Variants in FAM200B observed in about 807,000 individuals in gnomAD.
FAM200B encodes the protein protein FAM200B.
A neutral mutation model predicts 33.1 loss-of-function variants in FAM200B; 32 were observed. The ratio of observed to expected loss-of-function variants is 0.97; its 90% CI spans 0.73 to 1.30. FAM200B has a LOEUF of 1.30. Among genes scored for constraint, FAM200B ranks in the 50% most tolerant of loss-of-function variants. The pLI is 0.00. For synonymous variants in FAM200B, 240 were observed against 264.8 expected (o/e 0.91, Z 0.91); for missense variants, 741 against 754.0 (o/e 0.98, Z 0.20).
chr4:15,664,477 T>TA, the FAM200B span, among the ~76,000 whole-genome samples: 1 of 151,930 alleles, frequency 6.6e-6, no homozygotes, highest in African/African-American at 2.4e-5. Flanking sequence ...GTACCTCACT[T>TA]ATAAAGTTAA....
At position 15,688,120 on chromosome 4, in the gene FAM200B, A is replaced by AG; in HGVS notation, c.1143_1144insG (p.Tyr382ValfsTer19). 1 of 1,551,274 alleles carries AG rather than the reference A, an allele frequency of 6.4e-7. No homozygotes were observed. On this transcript the variant is annotated frameshift_variant, in exon 2 of 2. Coordinates refer to ENST00000422728, the MANE Select transcript of FAM200B (RefSeq NM_001145191.2). LOFTEE classifies it high-confidence loss of function. ...TTGGAACTAATCATACCCACTTACT[A>AG]TATCATACCAAAATTCGTTGGTTGT...
the FAM200B span, among the ~76,000 whole-genome samples, chr4:15,667,913 T>C: frequency 1.3e-5 from 2 of 151,616 alleles, no homozygotes; most frequent in Non-Finnish European, 2.9e-5. Context: ...TGGTGGCGGG[T>C]GCCTGTAATC....
the FAM200B span, among the ~76,000 whole-genome samples, chr4:15,651,060 G>A: frequency 3.3e-5 from 5 of 152,024 alleles, no homozygotes; most frequent in South Asian, 2.1e-4. Context: ...ATAAGAAAAC[G>A]GCATAACAAA....
At chr4:15,659,490 A>G in the FAM200B span, among the ~76,000 whole-genome samples, 1 of 152,170 alleles carries the variant, frequency 6.6e-6, no homozygotes, top group Non-Finnish European at 1.5e-5. Flanking sequence ...CAGATTTCTA[A>G]TTCCTTCTAC....
Position 15,688,875 on chromosome 4 carries a change from C to T in FAM200B, c.1898C>T (p.Ala633Val), listed in dbSNP as rs1318702587. The T allele has an allele frequency of 5.2e-6, 8 of 1,550,916 alleles. No homozygotes were observed. The highest frequency in any genetic ancestry group is 1.2e-5 in the South Asian group (1 of 83,964). ...TKERNGLNCA[A>V]VMRVALSSCV... ...GAAAGAAATGGGCTGAATTGTGCAGCAGTTATGCGGGTAGCATTATCTTCC... is the reference window on the plus strand; with the variant it reads ...GAAAGAAATGGGCTGAATTGTGCAGTAGTTATGCGGGTAGCATTATCTTCC... Residue 633 changes from alanine to valine, a missense_variant, in exon 2 of 2, where the codon GCA becomes GTA. Transcript: ENST00000422728.
rs1335254003 is a variant in FAM200B at position 15,687,832 on chromosome 4, A to G, written c.855A>G (p.Lys285=). The part of the protein sequence containing the change: ...ELERRIVGQY[K]LNWKNCKGIT... ...AAAGGCGCATAGTTGGCCAATATAA[A>G]TTAAACTGGAAAAACTGTAAAGGAA... The change falls in exon 2 of 2, where the codon AAA becomes AAG. Residue 285 remains lysine, a synonymous_variant. Transcript: ENST00000422728. 2 of 1,551,322 alleles carry G rather than the reference A, an allele frequency of 1.3e-6. No individual in the cohort carries two copies. The highest frequency in any genetic ancestry group is 2.4e-5 in the South Asian group (2 of 84,042).
At position 15,686,475 on chromosome 4, in the gene FAM200B, C is replaced by G. The variant is rs1181144849; in HGVS notation, c.-503C>G. ...AGACATACTCAAGGTACCAACACAG[C>G]AAAGGCACAAAATGTCTCTATATCA... On this transcript the variant is annotated 5_prime_UTR_variant, in exon 2 of 2. Transcript: ENST00000422728. The G allele has an allele frequency of 6.6e-6, 1 of 152,200 alleles. No homozygotes were observed. The highest frequency in any genetic ancestry group is 1.9e-4 in the East Asian group (1 of 5,206). 9.4% of individuals were successfully genotyped at this position (152,200 alleles called of 1,614,324 possible).
the FAM200B span, among the ~76,000 whole-genome samples, chr4:15,674,724 A>T: frequency 2.0e-5 from 3 of 150,126 alleles, no homozygotes; most frequent in African/African-American, 7.4e-5. Flanking sequence ...ATCTTGGCTC[A>T]CTGCAAGCTC....
chr4:15,660,726 G>C, the FAM200B span, among the ~76,000 whole-genome samples: 10 of 152,124 alleles, frequency 6.6e-5, no homozygotes, highest in Non-Finnish European at 1.3e-4. Flanking sequence ...GTGTAAAAAG[G>C]ACTCTCCCAG....
the FAM200B span, among the ~76,000 whole-genome samples, chr4:15,647,376 T>C: frequency 6.6e-6 from 1 of 152,072 alleles, no homozygotes. Flanking sequence ...TGGGAAGATA[T>C]GTGTAAGTTA....
upstream of FAM200B, among the ~76,000 whole-genome samples, chr4:15,676,889 A>C (rs1189648836): frequency 1.3e-5 from 2 of 152,242 alleles, no homozygotes; most frequent in African/African-American, 2.4e-5. Flanking sequence ...CTCAAAGCTA[A>C]GAACAAAATC....
chr4:15,650,931 A>G, the FAM200B span, among the ~76,000 whole-genome samples: 1 of 152,104 alleles, frequency 6.6e-6, no homozygotes, highest in Admixed American at 6.6e-5. Flanking sequence ...CACCCAACCT[A>G]TAACTGACTT....
chr4:15,644,288 C>T, the FAM200B span, among the ~76,000 whole-genome samples: 1 of 152,192 alleles, frequency 6.6e-6, no homozygotes, highest in African/African-American at 2.4e-5. Flanking sequence ...CTGTATTCAC[C>T]GTCGGGACTG....
At chr4:15,658,399 C>G in the FAM200B span, among the ~76,000 whole-genome samples, 1 of 152,088 alleles carries the variant, frequency 6.6e-6, no homozygotes, top group Admixed American at 6.5e-5. Flanking sequence ...AAACTTAATC[C>G]CCAATAAGGC....
chr4:15,687,978 CATCCAGAGAA>C lies in FAM200B; in HGVS notation c.1004_1013del (p.Ser335PhefsTer9). The C allele has an allele frequency of 6.4e-7, 1 of 1,551,160 alleles. No individual in the cohort carries two copies. The highest frequency in any genetic ancestry group is 1.7e-4 in the Middle Eastern group (1 of 5,984). ...TGTTTTATACATCGTGAAGGTTTAG[CATCCAGAGAA>C]ATTCCACAGAATCTCATGGAGGTAT... On this transcript the variant is annotated frameshift_variant, in exon 2 of 2. Transcript: ENST00000422728. LOFTEE classifies it high-confidence loss of function.
chr4:15,660,989 A>C, the FAM200B span, among the ~76,000 whole-genome samples: 271 of 152,232 alleles, frequency 1.8e-3, 2 homozygotes, highest in Middle Eastern at 0.01. Context: ...AGGCAGGAGA[A>C]TCACTTAAAC....
chr4:15,650,035 G>A, the FAM200B span, among the ~76,000 whole-genome samples: 2 of 152,118 alleles, frequency 1.3e-5, no homozygotes, highest in Non-Finnish European at 2.9e-5. Flanking sequence ...TAAAGCAACA[G>A]CTCTCACCAA....
the FAM200B span, among the ~76,000 whole-genome samples, chr4:15,650,661 CTTTTTTTT>C: frequency 3.9e-5 from 3 of 77,912 alleles, no homozygotes; most frequent in East Asian, 4.1e-4. Context: ...AACTGACTTT[CTTTTTTTT>C]TTTTTTTTTT....
chr4:15,682,931 G>T (rs139054204), intron 1 of FAM200B, among the ~76,000 whole-genome samples: 1 of 152,224 alleles, frequency 6.6e-6, no homozygotes, highest in Non-Finnish European at 1.5e-5. Flanking sequence ...AACCTGGAAA[G>T]ATGAGGCTTA....
Sources: allele counts gnomAD v4.1 joint callset (sites outside exome capture counted in the v4.1 genomes callset), GRCh38; gene constraint gnomAD v4.1.1; transcripts MANE v1.5; gene names NCBI Gene and HGNC (gene_info 2026-07-23, HGNC 2026-07-21).